The following GLI2 variants were observed in gnomAD, a reference collection of about 807,000 sequenced individuals.
The protein encoded by GLI2 is GLI family zinc finger 2.
Under a neutral mutation model 78.9 loss-of-function variants are expected in GLI2, and 22 were observed. That is an observed-to-expected ratio of 0.28 (90% CI 0.20 to 0.40). GLI2 has a LOEUF of 0.40. GLI2 is among the 10% of genes least tolerant of loss of function. GLI2 has a pLI of 1.00. For synonymous variants in GLI2, 974 were observed against 963.7 expected (o/e 1.01, Z -0.20); for missense variants, 2,097 against 2,213.2 (o/e 0.95, Z 1.05).
At chr2:120,773,452 C>T (rs1558789144) in intron 1 of GLI2, among the ~76,000 whole-genome samples, 1 of 152,186 alleles carries the variant, frequency 6.6e-6, no homozygotes, top group African/African-American at 2.4e-5. Flanking sequence ...GTTGGGGGCT[C>T]CTCATTCAGG....
intron 2 of GLI2, among the ~76,000 whole-genome samples, chr2:120,829,181 ACACACATG>A (rs1192733481): frequency 6.6e-6 from 1 of 152,230 alleles, no homozygotes; most frequent in Non-Finnish European, 1.5e-5. Context: ...ATACACTTAT[ACACACATG>A]CACACATTCG....
intron 1 of GLI2, among the ~76,000 whole-genome samples, chr2:120,753,442 G>C (rs1001501659): frequency 6.6e-6 from 1 of 152,144 alleles, no homozygotes; most frequent in East Asian, 1.9e-4. Flanking sequence ...AAAAAATCTG[G>C]TTGTTTCAAT....
intron 3 of GLI2, among the ~76,000 whole-genome samples, chr2:120,934,967 A>G (rs1680123997): frequency 6.6e-6 from 1 of 152,154 alleles, no homozygotes; most frequent in East Asian, 1.9e-4. Flanking sequence ...CCGGGCCTTT[A>G]TGACTCTGTC....
At chr2:120,870,827 A>G (rs970757686) in intron 2 of GLI2, among the ~76,000 whole-genome samples, 2 of 152,032 alleles carry the variant, frequency 1.3e-5, no homozygotes, top group African/African-American at 2.4e-5. Flanking sequence ...TTCCTGCAGA[A>G]CCTGGCGTGT....
At chr2:120,929,924 G>A (rs927499040) in intron 3 of GLI2, among the ~76,000 whole-genome samples, 2 of 152,172 alleles carry the variant, frequency 1.3e-5, no homozygotes, top group Non-Finnish European at 2.9e-5. Flanking sequence ...AGTCAGTGGT[G>A]TCTGAGACTC....
intron 2 of GLI2, among the ~76,000 whole-genome samples, chr2:120,804,072 A>G (rs1684827197): frequency 6.6e-6 from 1 of 152,132 alleles, no homozygotes; most frequent in Non-Finnish European, 1.5e-5. Flanking sequence ...GGGTTCTTGG[A>G]AAGTTTTTCT....
chr2:120,962,880 G>T (rs770709717), intron 5 of GLI2, among the ~76,000 whole-genome samples: 1 of 152,200 alleles, frequency 6.6e-6, no homozygotes, highest in African/African-American at 2.4e-5. Flanking sequence ...ACGAAGATGT[G>T]TGTGTTTCTT....
chr2:120,851,449 C>G (rs1687403276), intron 2 of GLI2, among the ~76,000 whole-genome samples: 1 of 152,252 alleles, frequency 6.6e-6, no homozygotes, highest in Admixed American at 6.5e-5. Flanking sequence ...GCTCTTGTTG[C>G]CTGCAGGTTG....
chr2:120,878,663 G>A (rs1422984172), intron 2 of GLI2, among the ~76,000 whole-genome samples: 2 of 152,088 alleles, frequency 1.3e-5, no homozygotes, highest in South Asian at 2.1e-4. Context: ...GGCCAGGCAC[G>A]GTGGCTCACG....
intron 2 of GLI2, among the ~76,000 whole-genome samples, chr2:120,826,459 CAGTGTGCGTCTCCACACAGAGG>C (rs1308919827): frequency 6.6e-6 from 1 of 152,228 alleles, no homozygotes; most frequent in African/African-American, 2.4e-5. Flanking sequence ...ATCTGGGAGG[CAGTGTGCGTCTCCACACAGAGG>C]AGACCGCTGG....
rs555655320 is a variant in GLI2 at position 120,948,737 on chromosome 2, C to A, written c.255-2506C>A. On this transcript the variant is annotated intron_variant, in intron 3 of 13. Transcript: ENST00000361492. ...CGCAGGGGGCCTCAGCTGTGGTTGG[C>A]ACACCCCACAGGGCAACCCTGGTGC... Among the ~76,000 whole-genome samples, 365 of 152,286 alleles carry A rather than the reference C, an allele frequency of 2.4e-3. 2 individuals are homozygous for A. The highest frequency in any genetic ancestry group is 4.0e-3 in the Non-Finnish European group (274 of 68,022).
chr2:120,988,382 C>A lies in GLI2; in HGVS notation c.2417C>A (p.Ser806Tyr). 1 of 1,571,576 alleles carries A rather than the reference C, an allele frequency of 6.4e-7. No individual in the cohort carries two copies. ...TCGGCCTACACCGTGAGCCGCCGCTCCTCCGGCATCTCCCCCTACTTCTCC... is the reference window on the plus strand; with the variant it reads ...TCGGCCTACACCGTGAGCCGCCGCTACTCCGGCATCTCCCCCTACTTCTCC... The part of the protein sequence containing the change: ...VSSAYTVSRR[S>Y]SGISPYFSSR... The change falls in exon 14 of 14, where the codon TCC becomes TAC. Residue 806 changes from serine to tyrosine, a missense_variant. Physicochemically the swap from Ser to Tyr is moderately radical, Grantham distance 144 (BLOSUM62 -2). Coordinates refer to ENST00000361492, the MANE Select transcript of GLI2 (RefSeq NM_001374353.1).
Position 120,988,290 on chromosome 2 carries a change from C to G in GLI2, c.2325C>G (p.Ser775=). The change falls in exon 14 of 14, where the codon TCC becomes TCG. Residue 775 remains serine (S), a synonymous_variant. Coordinates refer to ENST00000361492, the MANE Select transcript of GLI2 (RefSeq NM_001374353.1). ...LLPNPRLSEL[S]ASEVTMLSQL... The stretch of plus-strand genomic sequence containing the variant: ...CGAACCCGCGGCTGTCGGAGCTGTC[C>G]GCGAGCGAGGTGACCATGCTGAGCC... The G allele has an allele frequency of 2.6e-6, 4 of 1,565,450 alleles. No homozygotes were observed. The South Asian group carries it at 3.5e-5, about 14-fold the overall frequency.
chr2:120,827,836 G>T (rs1174455621), intron 2 of GLI2, among the ~76,000 whole-genome samples: 1 of 152,300 alleles, frequency 6.6e-6, no homozygotes, highest in African/African-American at 2.4e-5. Flanking sequence ...CGTCAGAATC[G>T]TAGAGACAGA....
intron 2 of GLI2, among the ~76,000 whole-genome samples, chr2:120,809,542 G>C (rs1685130974): frequency 6.6e-6 from 1 of 152,066 alleles, no homozygotes; most frequent in Non-Finnish European, 1.5e-5. Flanking sequence ...GTTTAAAAAA[G>C]AAGGGAGGGA....
intron 2 of GLI2, among the ~76,000 whole-genome samples, chr2:120,908,172 G>T (rs1439769271): frequency 6.6e-6 from 1 of 152,206 alleles, no homozygotes; most frequent in Non-Finnish European, 1.5e-5. Flanking sequence ...CATGGCCTGG[G>T]GGGCCTGTCA....
At chr2:120,906,136 G>A (rs535070727) in intron 2 of GLI2, among the ~76,000 whole-genome samples, 6 of 152,332 alleles carry the variant, frequency 3.9e-5, no homozygotes, top group Non-Finnish European at 5.9e-5. Context: ...CAGGCAGCAC[G>A]GTGCGGGGCA....
chr2:120,973,969 G>A (rs1017693481), intron 8 of GLI2, among the ~76,000 whole-genome samples: 2 of 152,126 alleles, frequency 1.3e-5, no homozygotes, highest in Non-Finnish European at 2.9e-5. Context: ...TTGAGTCCCC[G>A]GAGCCAGTGG....
chr2:120,948,259 G>C (rs1680809816), intron 3 of GLI2, among the ~76,000 whole-genome samples: 1 of 152,176 alleles, frequency 6.6e-6, no homozygotes, highest in Admixed American at 6.5e-5. Context: ...ATACCCTCCT[G>C]AGGGGCACAC....
Sources: allele counts gnomAD v4.1 joint callset (sites outside exome capture counted in the v4.1 genomes callset), GRCh38; gene constraint gnomAD v4.1.1; transcripts MANE v1.5; gene names NCBI Gene and HGNC (gene_info 2026-07-23, HGNC 2026-07-21).